Variants in ZPBP observed in about 807,000 individuals in gnomAD.
The protein encoded by ZPBP is zona pellucida binding protein, also known as zona pellucida-binding protein 1.
Under a neutral mutation model 44.8 loss-of-function variants are expected in ZPBP, and 26 were observed. That is an observed-to-expected ratio of 0.58 (90% CI 0.43 to 0.81). The LOEUF (loss-of-function observed/expected upper bound fraction) is 0.81, where lower values mean the gene tolerates loss of function less well. Ranked by LOEUF, ZPBP falls within the 30% of genes least tolerant of loss-of-function variation. The pLI is 0.00. For synonymous variants in ZPBP, 174 were observed against 153.2 expected, an observed-to-expected ratio of 1.14 and a Z score of -1.00; for missense variants, 409 against 434.0, an observed-to-expected ratio of 0.94 and a Z score of 0.51.
chr7:49,946,542 G>A (rs1187676928), intron 7 of ZPBP, among the ~76,000 whole-genome samples: 1 of 151,932 alleles, frequency 6.6e-6, no homozygotes, highest in Admixed American at 6.6e-5. Context: ...TGGCCTATAA[G>A]GTTTCCACTG....
intron 1 of ZPBP, among the ~76,000 whole-genome samples, chr7:49,908,735 C>T (rs1437629178): frequency 1.3e-5 from 2 of 151,936 alleles, no homozygotes; most frequent in Non-Finnish European, 2.9e-5. Context: ...AAGATATCTT[C>T]TTAGTTTAGA....
At chr7:49,987,920 T>G (rs1031240357) in intron 6 of ZPBP, among the ~76,000 whole-genome samples, 1 of 152,184 alleles carries the variant, frequency 6.6e-6, no homozygotes, top group African/African-American at 2.4e-5. Flanking sequence ...TAAAGACTAT[T>G]GGTAAAATGC....
Position 49,997,487 on chromosome 7 carries a change from C to T in ZPBP, c.784-13968G>A, listed in dbSNP as rs1797899900. ...AGTTATTTTGAAGTATGGCCACCTC[C>T]CTCATTGGTCACACTTTGTGCCTCA... On this transcript the variant is annotated intron_variant, in intron 6 of 7. Transcript: ENST00000046087. Among the ~76,000 whole-genome samples the T allele has an allele frequency of 3.3e-5, 5 of 152,300 alleles. No individual in the cohort carries two copies. The South Asian group carries it at 1.0e-3, about 32-fold the overall frequency.
intron 7 of ZPBP, chr7:49,943,362 A>C (rs920768669): frequency 5.8e-6 from 2 of 346,734 alleles, no homozygotes; most frequent in African/African-American, 2.2e-5. Context: ...CAGTCAATGA[A>C]GCATAACCAA....
intron 6 of ZPBP, among the ~76,000 whole-genome samples, chr7:50,001,176 A>G (rs1798080002): frequency 6.6e-6 from 1 of 152,206 alleles, no homozygotes; most frequent in African/African-American, 2.4e-5. Context: ...CAGCAGCCCT[A>G]GCAAACTAAT....
intron 2 of ZPBP, among the ~76,000 whole-genome samples, chr7:49,859,785 T>TGG (rs1790573286): frequency 1.3e-5 from 1 of 79,952 alleles, no homozygotes; most frequent in Admixed American, 1.4e-4. Flanking sequence ...ACAGTGCGCG[T>TGG]GCGTGCACAC....
intron 5 of ZPBP, among the ~76,000 whole-genome samples, chr7:50,019,636 A>G (rs1399292954): frequency 6.6e-6 from 1 of 152,112 alleles, no homozygotes; most frequent in African/African-American, 2.4e-5. Context: ...TATGCAGAGT[A>G]TATTCCCAGA....
intron 1 of ZPBP, among the ~76,000 whole-genome samples, chr7:49,923,259 T>G (rs1794100378): frequency 6.6e-6 from 1 of 152,036 alleles, no homozygotes; most frequent in African/African-American, 2.4e-5. Context: ...GTAGCAGCAC[T>G]ACAGTGAAAG....
intron 1 of ZPBP, among the ~76,000 whole-genome samples, chr7:49,901,619 A>G (rs999136339): frequency 6.6e-6 from 1 of 151,946 alleles, no homozygotes; most frequent in Non-Finnish European, 1.5e-5. Context: ...ATCAAGATCT[A>G]TTGTTGAGCA....
At chr7:50,057,376 TA>T (rs1385456871) in intron 4 of ZPBP, among the ~76,000 whole-genome samples, 1 of 152,140 alleles carries the variant, frequency 6.6e-6, no homozygotes, top group Non-Finnish European at 1.5e-5. Context: ...AAGCCTCTGA[TA>T]AATTCTCCCA....
intron 1 of ZPBP, among the ~76,000 whole-genome samples, chr7:49,905,259 T>C (rs1793024030): frequency 6.6e-6 from 1 of 152,166 alleles, no homozygotes; most frequent in African/African-American, 2.4e-5. Flanking sequence ...TAAAAGACAG[T>C]ACTTATCATG....
intron 1 of ZPBP, among the ~76,000 whole-genome samples, chr7:49,901,517 T>C (rs960831734): frequency 6.6e-6 from 1 of 151,774 alleles, no homozygotes; most frequent in Non-Finnish European, 1.5e-5. Context: ...ATAAGATCTA[T>C]ATGAGGAAAA....
chr7:50,000,872 T>C (rs1315118538), intron 6 of ZPBP, among the ~76,000 whole-genome samples: 1 of 152,120 alleles, frequency 6.6e-6, no homozygotes, highest in Non-Finnish European at 1.5e-5. Context: ...TTTGGAGATA[T>C]GCAAAAGATA....
At chr7:50,023,490 A>C (rs1411948613) in intron 5 of ZPBP, among the ~76,000 whole-genome samples, 1 of 152,052 alleles carries the variant, frequency 6.6e-6, no homozygotes. Flanking sequence ...ACAGTAAACA[A>C]AGCCCAAATC....
intron 2 of ZPBP, among the ~76,000 whole-genome samples, chr7:49,877,726 T>C (rs1156601893): frequency 6.7e-6 from 1 of 150,320 alleles, no homozygotes; most frequent in Non-Finnish European, 1.5e-5. Flanking sequence ...TTTTACACTC[T>C]GGAGAGCCAC....
chr7:50,057,804 C>A (rs1207567864), intron 4 of ZPBP, among the ~76,000 whole-genome samples, 185 bp downstream of exon 4: 1 of 152,198 alleles, frequency 6.6e-6, no homozygotes. Context: ...AGACTACGAT[C>A]TGTTAACCAT....
intron 6 of ZPBP, among the ~76,000 whole-genome samples, chr7:50,006,245 A>AACCTGAACAATACCATAGATC (rs1798306177): frequency 6.6e-6 from 1 of 151,986 alleles, no homozygotes; most frequent in South Asian, 2.1e-4. Context: ...GTAAATAGAG[A>AACCTGAACAATACCATAGATC]ACCTGAACAA....
Position 49,943,443 on chromosome 7 carries a change from C to T in ZPBP, c.962-5821G>A, listed in dbSNP as rs536064735. The T allele has an allele frequency of 5.5e-5, 24 of 437,364 alleles. No individual in the cohort carries two copies. The East Asian group carries it at 1.3e-3, about 23-fold the overall frequency. 27.1% of individuals were successfully genotyped at this position (437,364 alleles called of 1,614,324 possible). On this transcript the variant is annotated intron_variant, in intron 7 of 7. Transcript: ENST00000046087. ...CCACATTGCAAACTTTCTTGGAACA[C>T]TATGTTTATATCACAGACCTCTTGC...
downstream of ZPBP, chr7:49,937,304 AGT>A: frequency 4.2e-6 from 2 of 478,302 alleles, no homozygotes; most frequent in Non-Finnish European, 7.5e-6. Context: ...TTTAAAATGC[AGT>A]GATACTAGAA....
Sources: allele counts gnomAD v4.1 joint callset (sites outside exome capture counted in the v4.1 genomes callset), GRCh38; gene constraint gnomAD v4.1.1; transcripts MANE v1.5; gene names NCBI Gene and HGNC (gene_info 2026-07-23, HGNC 2026-07-21).